DDHD2: variants seen among roughly 807,000 people sequenced by gnomAD.
DDHD2 encodes DDHD domain containing 2, also known as triacylglycerol hydrolase DDHD2.
In DDHD2, 62 loss-of-function variants were observed where a neutral mutation model predicts 91.2. The observed-to-expected ratio is 0.68, with a 90% CI of 0.55 to 0.84. DDHD2 has a LOEUF of 0.84. Ranked by LOEUF, DDHD2 falls within the 40% of genes least tolerant of loss-of-function variation. The probability of loss-of-function intolerance (pLI) is 0.00; values close to 1 mark genes in which losing one functional copy is unlikely to be tolerated. For synonymous variants in DDHD2, 271 were observed against 293.9 expected, an observed-to-expected ratio of 0.92 and a Z score of 0.80; for missense variants, 740 against 846.9, an observed-to-expected ratio of 0.87 and a Z score of 1.57.
Position 38,268,517 on chromosome 8 carries a change from C to T in DDHD2, n.88-2605C>T. The T allele has an allele frequency of 1.9e-6, 3 of 1,542,740 alleles. No individual in the cohort carries two copies. The South Asian group carries it at 3.6e-5, about 18-fold the overall frequency. On this transcript the variant is annotated intron_variant and non_coding_transcript_variant, in intron 1 of 1. Transcript: ENST00000526071. Reference sequence around the variant, plus strand: ...TCCAAAAAAAAGCCACACTCGTGCTCCTACAGGAAAGAGGGATGTGACACA... The same window carrying T: ...TCCAAAAAAAAGCCACACTCGTGCTTCTACAGGAAAGAGGGATGTGACACA...
intron 1 of DDHD2, chr8:38,270,395 A>G (rs1808411185): frequency 6.6e-6 from 1 of 152,256 alleles, no homozygotes; most frequent in Admixed American, 6.5e-5. Context: ...AAATGGGTAC[A>G]AATGAGTTTC....
intron 3 of DDHD2, among the ~76,000 whole-genome samples, chr8:38,235,004 A>T (rs1222873398): frequency 6.6e-6 from 1 of 151,900 alleles, no homozygotes; most frequent in Non-Finnish European, 1.5e-5. Flanking sequence ...ATTTTTTTTC[A>T]TGTTTCATTA....
At chr8:38,245,174 G>A (rs1048875476) in intron 7 of DDHD2, among the ~76,000 whole-genome samples, 3 of 151,916 alleles carry the variant, frequency 2.0e-5, no homozygotes, top group Non-Finnish European at 2.9e-5. Flanking sequence ...GCTCATGCTT[G>A]TAATCCCAGC....
At chr8:38,237,454 A>T (rs758551487) in intron 3 of DDHD2, 84 bp from the exon 4 acceptor site, 3 of 658,552 alleles carry the variant, frequency 4.6e-6, no homozygotes, top group Non-Finnish European at 2.7e-6. Context: ...ATTGAAACTC[A>T]TTAATACATA....
chr8:38,236,768 C>A (rs948822786), intron 3 of DDHD2, among the ~76,000 whole-genome samples: 2 of 152,084 alleles, frequency 1.3e-5, no homozygotes, highest in Non-Finnish European at 2.9e-5. Context: ...GATCCACCCG[C>A]CTTGGCCTTC....
rs781089161 is a variant in DDHD2, at chr8:38,234,508, G to T, written c.335G>T (p.Arg112Leu). The part of the protein sequence containing the change: ...YWDELASEVR[R>L]CTWFYKGDKD... ...GATGAACTGGCATCGGAAGTGAGACGATGTACGTGGTTTTACAAGGGGGAC... is the reference window on the plus strand; with the variant it reads ...GATGAACTGGCATCGGAAGTGAGACTATGTACGTGGTTTTACAAGGGGGAC... Residue 112 changes from arginine (R) to leucine (L), a missense_variant, in exon 3 of 18, where the codon CGA becomes CTA. By Grantham distance (102) the Arg-to-Leu change is moderately radical (BLOSUM62 -2). Transcript: ENST00000397166. The T allele has an allele frequency of 6.2e-7, 1 of 1,613,264 alleles. No homozygotes were observed.
intron 3 of DDHD2, among the ~76,000 whole-genome samples, chr8:38,234,934 A>AT (rs1005471418): frequency 1.3e-4 from 19 of 151,646 alleles, no homozygotes; most frequent in Non-Finnish European, 4.4e-5. Context: ...CACCTGGCTA[A>AT]TTTTTTTTAA....
chr8:38,235,512 G>A (rs1025673815), intron 3 of DDHD2, among the ~76,000 whole-genome samples: 10 of 151,882 alleles, frequency 6.6e-5, no homozygotes, highest in Non-Finnish European at 1.5e-4. Flanking sequence ...ACCTGAGGTT[G>A]GGAGTTTGAG....
At chr8:38,243,317 C>T (rs1424268251) in intron 7 of DDHD2, among the ~76,000 whole-genome samples, 3 of 152,210 alleles carry the variant, frequency 2.0e-5, no homozygotes, top group Non-Finnish European at 4.4e-5. Context: ...CTGGCACTCA[C>T]ACCTTTTTCT....
chr8:38,253,375 G>A, intron 15 of DDHD2, 181 bp from the exon 16 acceptor site: 3 of 744,478 alleles, frequency 4.0e-6, no homozygotes, highest in Non-Finnish European at 6.4e-6. Context: ...AAGGGGATTG[G>A]ACAAAATTAC....
intron 16 of DDHD2, among the ~76,000 whole-genome samples, chr8:38,257,956 C>T (rs969596608): frequency 8.5e-5 from 13 of 152,064 alleles, no homozygotes; most frequent in Non-Finnish European, 1.9e-4. Flanking sequence ...CCACTGCACC[C>T]AGCCAACACA....
rs775622211 is a variant in DDHD2 at position 38,260,021 on chromosome 8, T to C, written c.2055-19T>C. ...CAAGTGTTAGTTCCTTTTCTCAACA[T>C]AATTTTTTCTCTTTATAGGGAGTCT... is the stretch of plus-strand genomic sequence containing the variant. On this transcript the variant is annotated intron_variant, in intron 16 of 17. Coordinates refer to ENST00000397166, the MANE Select transcript of DDHD2 (RefSeq NM_015214.3). 1.3e-6 allele frequency: 2 copies of C among 1,546,176 alleles called. No homozygotes were observed. The highest frequency in any genetic ancestry group is 4.5e-5 in the East Asian group (2 of 44,548).
intron 16 of DDHD2, among the ~76,000 whole-genome samples, chr8:38,255,818 C>T (rs1806472701): frequency 6.6e-6 from 1 of 152,022 alleles, no homozygotes; most frequent in Admixed American, 6.6e-5. Context: ...TGTCATTTCA[C>T]CTACTCATGA....
chr8:38,253,250 CT>C, intron 15 of DDHD2, 123 bp downstream of exon 15: 2 of 1,121,368 alleles, frequency 1.8e-6, no homozygotes, highest in Non-Finnish European at 2.5e-6. Flanking sequence ...CATTCTTTTG[CT>C]TTAGTTTTCA....
intron 13 of DDHD2, 124 bp downstream of exon 13, chr8:38,252,411 A>T: frequency 1.8e-6 from 2 of 1,088,862 alleles, no homozygotes; most frequent in African/African-American, 3.2e-5. Flanking sequence ...GACAACTTAT[A>T]ATAGTATTGA....
intron 1 of DDHD2, 55 bp from the exon 2 acceptor site, chr8:38,232,932 T>TGC (rs1002973184): frequency 8.0e-7 from 1 of 1,251,040 alleles, no homozygotes; most frequent in Non-Finnish European, 1.1e-6. Context: ...CGTGTGTGTG[T>TGC]GCGAACAGTT....
In DDHD2 at chr8:38,232,895, T is replaced by C. The variant is rs1804398258; in HGVS notation, c.-8-92T>C. ...TTTGTTGTTGTTGTTGTTGCAGAAA[T>C]GGCTCCGTAAAATGATTAGTTTTGT... On this transcript the variant is annotated intron_variant, in intron 1 of 17. Coordinates refer to ENST00000397166, the MANE Select transcript of DDHD2 (RefSeq NM_015214.3). 5.3e-6 allele frequency: 4 copies of C among 757,380 alleles called. No homozygotes were observed. In the Admixed American group the frequency reaches 1.2e-4, roughly 22 times the overall value. 46.9% of individuals were successfully genotyped at this position (757,380 alleles called of 1,614,324 possible).
chr8:38,266,245 TGTG>T (rs1807565739), downstream of DDHD2: 3 of 1,613,714 alleles, frequency 1.9e-6, no homozygotes, highest in African/African-American at 2.7e-5. Context: ...CCCACGGCCT[TGTG>T]GTGTGAAGCA....
At position 38,262,099 on chromosome 8, in the gene DDHD2, C is replaced by T. The variant is rs756726708; in HGVS notation, c.*1526C>T. 1 of 152,034 alleles carries T rather than the reference C, an allele frequency of 6.6e-6. No homozygotes were observed. The highest frequency in any genetic ancestry group is 2.1e-4 in the South Asian group (1 of 4,816). 9.4% of individuals were successfully genotyped at this position (152,034 alleles called of 1,614,324 possible). On this transcript the variant is annotated 3_prime_UTR_variant, in exon 18 of 18. Coordinates refer to ENST00000397166, the MANE Select transcript of DDHD2 (RefSeq NM_015214.3). ...AGGTTGGGGTATAGGTCAGGCCTGG[C>T]CTTTCTTTGTCATCTGCTTATAGTC...
Sources: gnomAD v4.1 joint callset for allele counts (sites outside exome capture counted in the v4.1 genomes callset) on GRCh38, gnomAD v4.1.1 for gene constraint, MANE v1.5 for transcripts, NCBI Gene and HGNC (gene_info 2026-07-23, HGNC 2026-07-21) for gene names.